ARFGAP3: variants seen among roughly 807,000 people sequenced by gnomAD.
The protein encoded by ARFGAP3 is ARF GTPase activating protein 3, also known as ADP-ribosylation factor GTPase-activating protein 3.
In ARFGAP3, 72 loss-of-function variants were observed where a neutral mutation model predicts 75.0. The ratio of observed to expected loss-of-function variants is 0.96; its 90% CI spans 0.79 to 1.17. The LOEUF is 1.17. ARFGAP3 is among the 50% of genes most tolerant of loss of function. The probability of loss-of-function intolerance (pLI) is 0.00; values close to 1 mark genes in which losing one functional copy is unlikely to be tolerated. For synonymous variants in ARFGAP3, 221 were observed against 217.9 expected (o/e 1.01, Z -0.13); for missense variants, 620 against 626.6 (o/e 0.99, Z 0.11).
chr22:42,799,169 A>G lies in ARFGAP3; in HGVS notation c.1412-9T>C. 1 of 1,613,542 alleles carries G rather than the reference A, an allele frequency of 6.2e-7. No individual in the cohort carries two copies. Among genetic ancestry groups the G allele is most frequent in the Non-Finnish European group, 8.5e-7 (1 of 1,179,614 alleles). On this transcript the variant is annotated splice_polypyrimidine_tract_variant and intron_variant, in intron 14 of 15. Coordinates refer to ENST00000263245, the MANE Select transcript of ARFGAP3 (RefSeq NM_014570.5). ...GGACAGGCTGTAGTTCCCTGCACAC[A>G]CACAGCAGACACTGTCTCATCACTG...
At chr22:42,814,213 CATA>C (rs1440841459) in intron 11 of ARFGAP3, among the ~76,000 whole-genome samples, 1 of 152,122 alleles carries the variant, frequency 6.6e-6, no homozygotes, top group African/African-American at 2.4e-5. Context: ...TTTCATAATT[CATA>C]ATGTTCAAGT....
chr22:42,805,667 C>T (rs11913845), intron 14 of ARFGAP3, among the ~76,000 whole-genome samples: 5,862 of 152,260 alleles, frequency 0.038, 161 homozygotes, highest in African/African-American at 0.074. Flanking sequence ...CCAAGGGAAA[C>T]GAGGCCCCTC....
At chr22:42,811,089 A>G in intron 11 of ARFGAP3, 145 bp from the exon 12 acceptor site, 4 of 1,323,406 alleles carry the variant, frequency 3.0e-6, no homozygotes, top group Middle Eastern at 2.6e-4. Context: ...ACAGGAGCAG[A>G]CACGAGGTGT....
At chr22:42,847,311 T>G (rs1927065451) in intron 2 of ARFGAP3, 1 of 499,532 alleles carries the variant, frequency 2.0e-6, no homozygotes, top group African/African-American at 2.0e-5. Context: ...GGACTAGAGT[T>G]ATACATCATC....
intron 14 of ARFGAP3, among the ~76,000 whole-genome samples, chr22:42,800,721 A>G (rs1023585205): frequency 2.6e-5 from 4 of 152,156 alleles, no homozygotes; most frequent in Non-Finnish European, 5.9e-5. Context: ...GGCCTTCACC[A>G]ATGACAGAGT....
chr22:42,837,349 G>A (rs576491312), intron 3 of ARFGAP3, among the ~76,000 whole-genome samples: 6 of 151,936 alleles, frequency 3.9e-5, no homozygotes, highest in South Asian at 2.1e-4. Context: ...GGCTGGGCCC[G>A]GTGGCTCATG....
intron 2 of ARFGAP3, among the ~76,000 whole-genome samples, chr22:42,843,179 C>T (rs1926862641): frequency 6.6e-6 from 1 of 152,042 alleles, no homozygotes; most frequent in South Asian, 2.1e-4. Flanking sequence ...GAGTCAGCCT[C>T]CCCACATGCC....
intron 14 of ARFGAP3, among the ~76,000 whole-genome samples, chr22:42,800,711 G>A (rs2413719): frequency 6.6e-6 from 1 of 152,186 alleles, no homozygotes; most frequent in Non-Finnish European, 1.5e-5. Context: ...AAATCTTGTA[G>A]GCCTTCACCA....
intron 1 of ARFGAP3, among the ~76,000 whole-genome samples, chr22:42,848,017 A>C (rs1002312970): frequency 2.0e-5 from 3 of 151,208 alleles, no homozygotes; most frequent in Non-Finnish European, 4.4e-5. Context: ...GGCTCACACC[A>C]CTATACCCAA....
At chr22:42,843,771 C>T (rs140100770) in intron 2 of ARFGAP3, among the ~76,000 whole-genome samples, 159 of 152,194 alleles carry the variant, frequency 1.0e-3, no homozygotes, top group African/African-American at 3.6e-3. Flanking sequence ...AAATACGTAA[C>T]GGCAAACTTG....
intron 9 of ARFGAP3, among the ~76,000 whole-genome samples, chr22:42,820,151 C>G (rs973307540): frequency 1.3e-5 from 2 of 152,192 alleles, no homozygotes; most frequent in African/African-American, 4.8e-5. Context: ...CGATTTTACA[C>G]ACGCTCTGGG....
chr22:42,803,180 T>A (rs927078046), intron 14 of ARFGAP3, among the ~76,000 whole-genome samples: 4 of 152,138 alleles, frequency 2.6e-5, no homozygotes, highest in African/African-American at 4.8e-5. Flanking sequence ...TTTTTTAAAT[T>A]TTTTGTAGAG....
At chr22:42,825,672 G>C (rs143622103) in intron 7 of ARFGAP3, among the ~76,000 whole-genome samples, 1 of 145,696 alleles carries the variant, frequency 6.9e-6, no homozygotes, top group East Asian at 2.0e-4. Flanking sequence ...GTGACAGAGT[G>C]AGACTCTGTC....
chr22:42,817,773 A>G lies in ARFGAP3; in HGVS notation c.897T>C (p.Asn299=). 1.2e-6 allele frequency: 2 copies of G among 1,611,468 alleles called. No homozygotes were observed. The highest frequency in any genetic ancestry group is 2.2e-5 in the South Asian group (2 of 90,884). Residue 299 remains asparagine (N), a synonymous_variant, in exon 10 of 16, where the codon AAT becomes AAC. Coordinates refer to ENST00000263245, the MANE Select transcript of ARFGAP3 (RefSeq NM_014570.5). ...DEKMNISGKK[N]VDSDRLGMGF... ...CCATGCCGAGTCTGTCTGAGTCAAC[A>G]TTTTTTTTGCCACTAATGTTCATCT... is the stretch of plus-strand genomic sequence containing the variant.
At chr22:42,828,181 G>A (rs959626140) in intron 6 of ARFGAP3, among the ~76,000 whole-genome samples, 10 of 152,048 alleles carry the variant, frequency 6.6e-5, no homozygotes, top group African/African-American at 9.7e-5. Context: ...CCAGCACTTC[G>A]GGAGGCCAAG....
At chr22:42,843,083 C>G (rs889100979) in intron 2 of ARFGAP3, among the ~76,000 whole-genome samples, 1 of 152,040 alleles carries the variant, frequency 6.6e-6, no homozygotes, top group Non-Finnish European at 1.5e-5. Context: ...TTGCCTCCCC[C>G]CGACCCCCCA....
intron 14 of ARFGAP3, among the ~76,000 whole-genome samples, chr22:42,802,749 C>A (rs1924933285): frequency 6.6e-6 from 1 of 151,096 alleles, no homozygotes; most frequent in Non-Finnish European, 1.5e-5. Context: ...CTACAGGCGC[C>A]CACCACCATG....
intron 14 of ARFGAP3, among the ~76,000 whole-genome samples, chr22:42,806,295 T>C (rs1245588473): frequency 1.3e-5 from 2 of 151,754 alleles, no homozygotes; most frequent in South Asian, 2.1e-4. Context: ...GAGGCCTTTG[T>C]AGGGTACTCT....
intron 5 of ARFGAP3, 90 bp from the exon 6 acceptor site, chr22:42,831,726 A>G: frequency 6.3e-7 from 1 of 1,582,454 alleles, no homozygotes; most frequent in South Asian, 1.1e-5. Flanking sequence ...CTAACAATTT[A>G]AACAGCCACA....
Sources: gnomAD v4.1 joint callset for allele counts (sites outside exome capture counted in the v4.1 genomes callset) on GRCh38, gnomAD v4.1.1 for gene constraint, MANE v1.5 for transcripts, NCBI Gene and HGNC (gene_info 2026-07-23, HGNC 2026-07-21) for gene names.